DSCAML1: variants seen among roughly 807,000 people sequenced by gnomAD.
DSCAML1 encodes DS cell adhesion molecule like 1.
A neutral mutation model predicts 200.5 loss-of-function variants in DSCAML1; 38 were observed. The observed-to-expected ratio is 0.19, with a 90% CI of 0.15 to 0.25. The LOEUF (loss-of-function observed/expected upper bound fraction) is 0.25. DSCAML1 is among the 10% of genes least tolerant of loss of function. DSCAML1 has a pLI of 1.00. For missense variants in DSCAML1, 2,223 were observed against 2,858.8 expected, an observed-to-expected ratio of 0.78 and a Z score of 5.07; for synonymous variants, 1,215 against 1,165.0, an observed-to-expected ratio of 1.04 and a Z score of -0.87.
intron 3 of DSCAML1, among the ~76,000 whole-genome samples, chr11:117,570,509 A>C (rs1303164460): frequency 6.6e-6 from 1 of 152,134 alleles, no homozygotes; most frequent in African/African-American, 2.4e-5. Flanking sequence ...AGAGCATAAA[A>C]CTTGTGTGTC....
intron 32 of DSCAML1, among the ~76,000 whole-genome samples, chr11:117,429,030 T>A (rs1047678615): frequency 3.3e-5 from 5 of 152,292 alleles, no homozygotes; most frequent in African/African-American, 1.2e-4. Flanking sequence ...ACAGGATTAT[T>A]GTGAGGAGCG....
rs112490524 is a variant in DSCAML1, at chr11:117,810,268, C to T, written c.-250+7122G>A. The stretch of plus-strand genomic sequence containing the variant: ...AAACTCCGTGGACTCAAAACTCCAG[C>T]GCCCTCTGGGGGAGGGGCAAGTACC... On this transcript the variant is annotated intron_variant, in intron 1 of 2. Coordinates refer to the DSCAML1 transcript ENST00000525836. 4.9e-3 allele frequency among the ~76,000 whole-genome samples: 739 copies of T among 151,500 alleles called. 2 individuals carry two copies. Among genetic ancestry groups the T allele is most frequent in the African/African-American group, 0.016 (649 of 40,806 alleles).
intron 14 of DSCAML1, 109 bp from the exon 15 acceptor site, chr11:117,472,145 A>T: frequency 8.1e-7 from 1 of 1,240,942 alleles, no homozygotes; most frequent in East Asian, 2.4e-5. Context: ...CGAGGGGTCC[A>T]GCTCACACAG....
intron 3 of DSCAML1, among the ~76,000 whole-genome samples, chr11:117,599,904 G>A (rs1025168738): frequency 6.6e-6 from 1 of 152,206 alleles, no homozygotes; most frequent in African/African-American, 2.4e-5. Flanking sequence ...GGTAAACGGT[G>A]CATTCCCAGA....
At chr11:117,712,920 C>A (rs1416591000) in intron 3 of DSCAML1, among the ~76,000 whole-genome samples, 7 of 152,026 alleles carry the variant, frequency 4.6e-5, no homozygotes, top group Admixed American at 2.6e-4. Context: ...CCTCAGGAAG[C>A]CATTTTTAGG....
Position 117,505,940 on chromosome 11 carries a change from C to G in DSCAML1, c.1784-208G>C, listed in dbSNP as rs1281820350. 6.6e-6 allele frequency among the ~76,000 whole-genome samples: 1 copy of G among 152,212 alleles called. No homozygotes were observed. Among genetic ancestry groups the G allele is most frequent in the Non-Finnish European group, 1.5e-5 (1 of 68,046 alleles). ...GCCCGCCCAGGCTGGGACCCACTGT[C>G]TCTGTTCAGGGCCTTGACTGGCCTG... On this transcript the variant is annotated intron_variant, in intron 8 of 32. Coordinates refer to ENST00000651296, the MANE Select transcript of DSCAML1 (RefSeq NM_020693.4). The surrounding 1 kb of genome is among the most constrained non-coding windows in gnomAD (Gnocchi z 6.7).
At chr11:117,522,863 G>A (rs1362383567) in intron 5 of DSCAML1, among the ~76,000 whole-genome samples, 1 of 152,172 alleles carries the variant, frequency 6.6e-6, no homozygotes, top group Non-Finnish European at 1.5e-5. Context: ...CTGTAGAGAG[G>A]CTGGCAGATG....
At chr11:117,611,850 T>A (rs909879466) in intron 3 of DSCAML1, 1 of 152,258 alleles carries the variant, frequency 6.6e-6, no homozygotes, top group Admixed American at 6.5e-5. Context: ...ATACACTGTA[T>A]CTTTTCTAAG....
chr11:117,470,916 C>T (rs1357390713), intron 15 of DSCAML1, among the ~76,000 whole-genome samples: 2 of 152,150 alleles, frequency 1.3e-5, no homozygotes, highest in South Asian at 2.1e-4. Context: ...TGAATACATT[C>T]TACTGGAAAA....
intron 14 of DSCAML1, among the ~76,000 whole-genome samples, chr11:117,478,257 G>C (rs777258524): frequency 3.1e-4 from 47 of 152,172 alleles, no homozygotes; most frequent in African/African-American, 9.2e-4. Flanking sequence ...GAGGAACGGG[G>C]GGAGGGGCAC....
chr11:117,467,203 T>TCCCCCCCC (rs954236519), intron 16 of DSCAML1, among the ~76,000 whole-genome samples: 1 of 95,032 alleles, frequency 1.1e-5, no homozygotes. Context: ...ACCTCCCCCC[T>TCCCCCCCC]CCCCCCGCCG....
At chr11:117,602,871 GGT>G (rs1352075769) in intron 3 of DSCAML1, among the ~76,000 whole-genome samples, 1 of 152,124 alleles carries the variant, frequency 6.6e-6, no homozygotes, top group Non-Finnish European at 1.5e-5. Flanking sequence ...AGCCGAGACA[GGT>G]GGACCGTTTG....
chr11:117,724,382 G>A (rs541949247), intron 3 of DSCAML1, among the ~76,000 whole-genome samples: 6 of 152,296 alleles, frequency 3.9e-5, no homozygotes, highest in Non-Finnish European at 7.3e-5. Flanking sequence ...AGGAAGACCC[G>A]CCAGGAAGAG....
intron 3 of DSCAML1, among the ~76,000 whole-genome samples, chr11:117,756,729 A>G (rs1214945055): frequency 6.6e-6 from 1 of 151,814 alleles, no homozygotes; most frequent in Admixed American, 6.6e-5. Context: ...GCTGGTGAAA[A>G]ACCCGGTTCC....
intron 3 of DSCAML1, among the ~76,000 whole-genome samples, chr11:117,570,172 G>T (rs2050823524): frequency 6.6e-6 from 1 of 152,022 alleles, no homozygotes; most frequent in South Asian, 2.1e-4. Flanking sequence ...GAATGGCGGG[G>T]TCGGCTGGCG....
rs370252456 is a variant in DSCAML1, at chr11:117,428,459, G to A, written c.6031C>T (p.Pro2011Ser). The change falls in exon 33 of 33, where the codon CCA (proline) becomes TCA (serine). Residue 2011 changes from proline (P) to serine (S), a missense_variant. Physicochemically the swap from Pro to Ser is moderately conservative, Grantham distance 74. Transcript: ENST00000651296. The stretch of plus-strand genomic sequence containing the variant: ...TTGGTGTGTGGGCCCCCGGCTCGTG[G>A]AGGCTCGGTGCTGGGGGCCGGAGGG... ...AAPPAPSTEP[P>S]RAGGPHTKMG... The A allele has an allele frequency of 4.6e-5, 70 of 1,525,080 alleles. No individual in the cohort carries two copies. The African/African-American group carries it at 9.2e-4, about 20-fold the overall frequency. 94.5% of individuals were successfully genotyped at this position (1,525,080 alleles called of 1,614,324 possible).
intron 3 of DSCAML1, among the ~76,000 whole-genome samples, chr11:117,557,416 C>A (rs574790553): frequency 6.6e-6 from 1 of 152,162 alleles, no homozygotes; most frequent in African/African-American, 2.4e-5. Flanking sequence ...CCCAGCCCCC[C>A]TCCTGACCAC....
chr11:117,708,254 C>T (rs2053787183), intron 3 of DSCAML1, among the ~76,000 whole-genome samples: 1 of 152,214 alleles, frequency 6.6e-6, no homozygotes, highest in East Asian at 1.9e-4. Flanking sequence ...GTCACAGCAT[C>T]CTCATCCCCA....
chr11:117,473,371 C>T (rs1180270541), intron 14 of DSCAML1, among the ~76,000 whole-genome samples: 2 of 152,030 alleles, frequency 1.3e-5, no homozygotes, highest in African/African-American at 4.8e-5. Flanking sequence ...GTGGTGGGTG[C>T]CTGTAGTCCC....
Sources: gnomAD v4.1 joint callset for allele counts (sites outside exome capture counted in the v4.1 genomes callset) on GRCh38, gnomAD v4.1.1 for gene constraint, Gnocchi (gnomAD v3.1) non-coding constraint, MANE v1.5 for transcripts, NCBI Gene and HGNC (gene_info 2026-07-23, HGNC 2026-07-21) for gene names.